The following EHD2 variants were observed in gnomAD, a reference collection of about 807,000 sequenced individuals.
The protein encoded by EHD2 is EH domain-containing protein 2.
Under a neutral mutation model 41.0 loss-of-function variants are expected in EHD2, and 27 were observed. The ratio of observed to expected loss-of-function variants is 0.66; its 90% CI spans 0.49 to 0.91. EHD2 has a LOEUF of 0.91. Among genes scored for constraint, EHD2 ranks in the 40% least tolerant of loss-of-function variants. The pLI is 0.00. For synonymous variants in EHD2, 342 were observed against 341.0 expected (o/e 1.00, Z -0.03); for missense variants, 673 against 773.9 (o/e 0.87, Z 1.55).
Position 47,741,382 on chromosome 19 carries a change from C to G in EHD2, c.1582C>G (p.Arg528Gly), listed in dbSNP as rs778318768. The change falls in exon 6 of 6, where the codon CGT becomes GGT. Residue 528 changes from arginine to glycine, a missense_variant. Arg to Gly is a moderately radical substitution (Grantham distance 125). Transcript: ENST00000263277. The surrounding 1 kb of genome is among the most constrained non-coding windows in gnomAD (Gnocchi z 4.5). ...EGHGLPANLPRRLVPPSKRRH... is the reference protein window; with the variant it reads ...EGHGLPANLPGRLVPPSKRRH... The stretch of plus-strand genomic sequence containing the variant: ...CCACGGGCTGCCCGCCAACCTGCCC[C>G]GTCGCCTGGTGCCACCCTCCAAGCG... The G allele has an allele frequency of 6.2e-7, 1 of 1,602,182 alleles. No individual in the cohort carries two copies. The highest frequency in any genetic ancestry group is 1.1e-5 in the South Asian group (1 of 90,584).
rs1387947396 is a variant in EHD2, at chr19:47,736,633, C to T, written c.1080+100C>T. 3.7e-6 allele frequency: 5 copies of T among 1,358,242 alleles called. No individual in the cohort carries two copies. The African/African-American group carries it at 4.5e-5, about 12-fold the overall frequency. The allele number at this position is 1,358,242 out of a possible 1,614,324, so 84.1% of individuals were successfully genotyped here. On this transcript the variant is annotated intron_variant, in intron 5 of 5. Coordinates refer to ENST00000263277, the MANE Select transcript of EHD2 (RefSeq NM_014601.4). The stretch of plus-strand genomic sequence containing the variant: ...CCTCAAAAGCCAGAGGGATGGATGG[C>T]AGGTTCTGGAAAGCGCCTCCCTCAA...
In EHD2 at chr19:47,741,478, C is replaced by T. The variant is rs772979222; in HGVS notation, c.*46C>T. ...CCTGCTGTGGCTCCCCAGCTCCAGT[C>T]GGCTGCACGCACACCCCTGCTCCGG... On this transcript the variant is annotated 3_prime_UTR_variant, in exon 6 of 6. Transcript: ENST00000263277. This position sits in a 1 kb window ranked among gnomAD's most constrained non-coding sequence, Gnocchi z 4.5. 5 of 1,523,286 alleles carry T rather than the reference C, an allele frequency of 3.3e-6. No homozygotes were observed. The highest frequency in any genetic ancestry group is 2.2e-4 in the Middle Eastern group (1 of 4,456). 94.4% of individuals were successfully genotyped at this position (1,523,286 alleles called of 1,614,324 possible).
chr19:47,722,599 CTT>C, intron 3 of EHD2, among the ~76,000 whole-genome samples: 1 of 150,146 alleles, frequency 6.7e-6, no homozygotes, highest in South Asian at 2.1e-4. Context: ...GAGTTTCGCT[CTT>C]GTTGCCCAGG....
At chr19:47,714,186 C>G (rs534229924) in intron 1 of EHD2, among the ~76,000 whole-genome samples, 1 of 152,264 alleles carries the variant, frequency 6.6e-6, no homozygotes, top group South Asian at 2.1e-4. Flanking sequence ...CCACTGGGCA[C>G]CCCTGCAAGC....
chr19:47,731,279 A>AAAAAAAAAAAAAAAAATTATATATAT, intron 4 of EHD2: 4 of 60,926 alleles, frequency 6.6e-5, no homozygotes, highest in African/African-American at 2.0e-4. Context: ...AAAAAAAAAA[A>AAAAAAAAAAAAAAAAATTATATATAT]ATATATATAT....
chr19:47,730,278 G>T (rs1261631183), intron 4 of EHD2, among the ~76,000 whole-genome samples: 1 of 151,626 alleles, frequency 6.6e-6, no homozygotes, highest in African/African-American at 2.4e-5. Context: ...GCCGCCCTTC[G>T]GCCCTGCCCC....
intron 5 of EHD2, among the ~76,000 whole-genome samples, chr19:47,740,447 A>G (rs1489763352): frequency 6.6e-6 from 1 of 150,840 alleles, no homozygotes; most frequent in Non-Finnish European, 1.5e-5. Flanking sequence ...AAAAAAAAAC[A>G]AAACAAAACA....
intron 3 of EHD2, among the ~76,000 whole-genome samples, chr19:47,725,419 A>AAAAAAAAAG (rs1973740404): frequency 6.7e-6 from 1 of 148,274 alleles, no homozygotes; most frequent in African/African-American, 2.5e-5. Context: ...AAAAAAAAAA[A>AAAAAAAAAG]TTAGCCAGGT....
intron 3 of EHD2, among the ~76,000 whole-genome samples, chr19:47,721,963 C>A (rs900522827): frequency 6.7e-6 from 1 of 148,466 alleles, no homozygotes; most frequent in Non-Finnish European, 1.5e-5. Flanking sequence ...CCAGCCTGGG[C>A]GATAGAGTGA....
intron 5 of EHD2, among the ~76,000 whole-genome samples, chr19:47,738,549 G>A (rs942645875): frequency 2.4e-4 from 36 of 152,302 alleles, no homozygotes; most frequent in African/African-American, 6.0e-4. Flanking sequence ...TGATCCTCCT[G>A]CCTTAGCCTC....
chr19:47,737,770 G>C (rs1966940688), intron 5 of EHD2, among the ~76,000 whole-genome samples: 1 of 151,594 alleles, frequency 6.6e-6, no homozygotes, highest in South Asian at 2.1e-4. Flanking sequence ...GAGTGCAATG[G>C]GGTGATCATA....
chr19:47,735,305 A>T (rs1427906657), intron 4 of EHD2, among the ~76,000 whole-genome samples: 1 of 152,022 alleles, frequency 6.6e-6, no homozygotes, highest in South Asian at 2.1e-4. Flanking sequence ...GACCTCTTGG[A>T]GGGGTGTTTA....
chr19:47,715,240 A>G (rs1219426326), intron 1 of EHD2, among the ~76,000 whole-genome samples: 1 of 151,962 alleles, frequency 6.6e-6, no homozygotes, highest in African/African-American at 2.4e-5. Context: ...GGGTGCACCC[A>G]GGCAACCTTC....
At chr19:47,724,589 G>A (rs1973730058) in intron 3 of EHD2, among the ~76,000 whole-genome samples, 1 of 152,148 alleles carries the variant, frequency 6.6e-6, no homozygotes, top group Non-Finnish European at 1.5e-5. Context: ...GGATGAAGGA[G>A]TGAATGAGGA....
At chr19:47,733,774 A>AAAAAAAAAAAAAAAAAC (rs1966894152) in intron 4 of EHD2, among the ~76,000 whole-genome samples, 1 of 149,472 alleles carries the variant, frequency 6.7e-6, no homozygotes, top group African/African-American at 2.4e-5. Context: ...AAAAAAAAAA[A>AAAAAAAAAAAAAAAAAC]ATCCACTGTC....
At chr19:47,716,451 T>G in intron 1 of EHD2, 107 bp from the exon 2 acceptor site, 1 of 650,614 alleles carries the variant, frequency 1.5e-6, no homozygotes, top group Non-Finnish European at 2.4e-6. Context: ...ATATCTGTGC[T>G]CCTCCTCCTC....
rs1973723181 is a variant in EHD2, at chr19:47,723,866, G to A, written c.503-1946G>A. ...ATAATTTTTTATTTTATTTTTTTCT[G>A]TAGAGACAGGGTCTTGTCATCTTGC... On this transcript the variant is annotated intron_variant, in intron 3 of 5. Transcript: ENST00000263277. Among the ~76,000 whole-genome samples the A allele has an allele frequency of 2.0e-5, 3 of 151,508 alleles. No homozygotes were observed. The Admixed American group carries it at 2.0e-4, about 10-fold the overall frequency.
At chr19:47,723,358 G>T (rs547382696) in intron 3 of EHD2, among the ~76,000 whole-genome samples, 35 of 152,220 alleles carry the variant, frequency 2.3e-4, no homozygotes, top group Admixed American at 4.6e-4. Context: ...TAACGTACAC[G>T]CCATAAAAAC....
chr19:47,724,348 C>G (rs1410166270), intron 3 of EHD2, among the ~76,000 whole-genome samples: 2 of 152,138 alleles, frequency 1.3e-5, no homozygotes, highest in Non-Finnish European at 2.9e-5. Flanking sequence ...TTTGAGCCAT[C>G]ACACCTGGCT....
Sources: allele counts gnomAD v4.1 joint callset (sites outside exome capture counted in the v4.1 genomes callset), GRCh38; gene constraint gnomAD v4.1.1; non-coding constraint Gnocchi (gnomAD v3.1); transcripts MANE v1.5; gene names NCBI Gene and HGNC (gene_info 2026-07-23, HGNC 2026-07-21).